The following SUPT7L variants were observed in gnomAD, a reference collection of about 807,000 sequenced individuals.
The protein encoded by SUPT7L is STAGA complex 65 subunit gamma.
Under a neutral mutation model 35.7 loss-of-function variants are expected in SUPT7L, and 15 were observed. The observed-to-expected ratio is 0.42, with a 90% CI of 0.28 to 0.65. SUPT7L has a LOEUF of 0.65. Ranked by LOEUF, SUPT7L falls within the 30% of genes least tolerant of loss-of-function variation. SUPT7L has a pLI of 0.23. For synonymous variants in SUPT7L, 168 were observed against 186.2 expected (o/e 0.90, Z 0.79); for missense variants, 434 against 522.2 (o/e 0.83, Z 1.65).
rs753578885 is a variant in SUPT7L, at chr2:27,657,314, C to G, written c.744+31G>C. 3 of 1,602,316 alleles carry G rather than the reference C, an allele frequency of 1.9e-6. No homozygotes were observed. The highest frequency in any genetic ancestry group is 2.6e-6 in the Non-Finnish European group (3 of 1,173,004). On this transcript the variant is annotated intron_variant, in intron 4 of 5. Coordinates refer to ENST00000337768, the MANE Select transcript of SUPT7L (RefSeq NM_014860.3). This position sits in a 1 kb window ranked among gnomAD's most constrained non-coding sequence, Gnocchi z 5.2. ...GAACACTCCGAGATTGCACAGACAT[C>G]TGTGCCCACTTTTCAACAGGGTCGC...
Position 27,663,595 on chromosome 2 carries a change from G to A in SUPT7L, c.-356C>T, listed in dbSNP as rs932510859. ...AGGATCGCGTCAGACCCCGAAAGCT[G>A]GTTTGTTGATTAGTGATCTAAGACC... On this transcript the variant is annotated 5_prime_UTR_variant, in exon 1 of 6. Transcript: ENST00000337768. 1 of 661,508 alleles carries A rather than the reference G, an allele frequency of 1.5e-6. No homozygotes were observed. Among genetic ancestry groups the A allele is most frequent in the East Asian group, 2.7e-5 (1 of 36,878 alleles). The allele number at this position is 661,508 out of a possible 1,614,324, so 41.0% of individuals were successfully genotyped here.
chr2:27,649,454 T>C (rs1418412026), downstream of SUPT7L, among the ~76,000 whole-genome samples: 1 of 152,158 alleles, frequency 6.6e-6, no homozygotes, highest in African/African-American at 2.4e-5. Context: ...AAATATATAC[T>C]TTCTTGTAAC....
downstream of SUPT7L, chr2:27,650,118 C>G: frequency 6.3e-7 from 1 of 1,581,144 alleles, no homozygotes; most frequent in Non-Finnish European, 8.7e-7. Context: ...CTTGCAGTTA[C>G]AGAGGAAAGC....
intron 2 of SUPT7L, chr2:27,661,815 T>A: frequency 2.6e-6 from 1 of 391,872 alleles, no homozygotes; most frequent in South Asian, 2.9e-5. Context: ...AAGCAAGGCA[T>A]GATAAGGTAT....
chr2:27,644,118 T>C, the SUPT7L span, among the ~76,000 whole-genome samples: 1 of 152,288 alleles, frequency 6.6e-6, no homozygotes, highest in South Asian at 2.1e-4. Context: ...GAAGTTGCAG[T>C]GAGCAAAGAT....
rs1180240083 is a variant in SUPT7L, at chr2:27,650,886, A to AATT, written c.*2596_*2598dup. On this transcript the variant is annotated 3_prime_UTR_variant, in exon 6 of 6. Coordinates refer to ENST00000337768, the MANE Select transcript of SUPT7L (RefSeq NM_014860.3). ...TGCTTGTCATGATTTCAAATTAGAAAATTATATAATTGCAAACAGCTTCAC... is the reference window on the plus strand; with the variant it reads ...TGCTTGTCATGATTTCAAATTAGAAAATTATTATATAATTGCAAACAGCTTCAC... 1 of 152,816 alleles carries AATT rather than the reference A, an allele frequency of 6.5e-6. No homozygotes were observed. Among genetic ancestry groups the AATT allele is most frequent in the African/African-American group, 2.4e-5 (1 of 41,468 alleles). 9.5% of individuals were successfully genotyped at this position (152,816 alleles called of 1,614,324 possible).
intron 2 of SUPT7L, 71 bp downstream of exon 2, chr2:27,662,108 T>C (rs964709190): frequency 1.2e-6 from 2 of 1,611,164 alleles, no homozygotes; most frequent in Non-Finnish European, 1.7e-6. Context: ...TGGCTTCCCA[T>C]TGCCTATTGG....
intron 3 of SUPT7L, among the ~76,000 whole-genome samples, chr2:27,659,730 G>A (rs746360740): frequency 1.3e-5 from 2 of 152,050 alleles, no homozygotes; most frequent in African/African-American, 2.4e-5. Flanking sequence ...GGTGAAATAT[G>A]GTGATGTCTG....
At position 27,653,158 on chromosome 2, in the gene SUPT7L, G is replaced by T; in HGVS notation, c.*327C>A. Reference sequence around the variant, plus strand: ...ATCTCTACAAGGTAGGTCAAAGTATGATTCTTCTCAGTTGTACAAGATAAA... The same window carrying T: ...ATCTCTACAAGGTAGGTCAAAGTATTATTCTTCTCAGTTGTACAAGATAAA... On this transcript the variant is annotated 3_prime_UTR_variant, in exon 6 of 6. Transcript: ENST00000337768. The T allele has an allele frequency of 3.2e-6, 1 of 314,994 alleles. No homozygotes were observed. The highest frequency in any genetic ancestry group is 3.5e-5 in the South Asian group (1 of 28,294). 19.5% of individuals were successfully genotyped at this position (314,994 alleles called of 1,614,324 possible).
In SUPT7L at chr2:27,662,194, G is replaced by T; in HGVS notation, c.-2C>A. 2 of 1,614,056 alleles carry T rather than the reference G, an allele frequency of 1.2e-6. No homozygotes were observed. Reference sequence around the variant, plus strand: ...TTCAACTCACCTTTGCAGATTCATTGTCCATATGTCTCTTCAAGTTCAACA... The same window carrying T: ...TTCAACTCACCTTTGCAGATTCATTTTCCATATGTCTCTTCAAGTTCAACA... On this transcript the variant is annotated 5_prime_UTR_variant, in exon 2 of 6. Coordinates refer to ENST00000337768, the MANE Select transcript of SUPT7L (RefSeq NM_014860.3).
chr2:27,656,362 AC>A (rs893636555), intron 4 of SUPT7L, among the ~76,000 whole-genome samples: 2 of 152,042 alleles, frequency 1.3e-5, no homozygotes, highest in East Asian at 3.9e-4. Flanking sequence ...CAAAATCATC[AC>A]CCCCCACCAA....
At position 27,663,492 on chromosome 2, in the gene SUPT7L, C is replaced by G. The variant is rs1330890046; in HGVS notation, c.-253G>C. On this transcript the variant is annotated 5_prime_UTR_variant, in exon 1 of 6. Transcript: ENST00000337768. Reference sequence around the variant, plus strand: ...GGGGAGGTCTGGACCTGAACCGAGACAAGGAGGTACCACACTATTCACTGC... The same window carrying G: ...GGGGAGGTCTGGACCTGAACCGAGAGAAGGAGGTACCACACTATTCACTGC... 1.1e-5 allele frequency: 5 copies of G among 437,518 alleles called. No individual in the cohort carries two copies. The highest frequency in any genetic ancestry group is 2.1e-5 in the Non-Finnish European group (5 of 236,976). 27.1% of individuals were successfully genotyped at this position (437,518 alleles called of 1,614,324 possible).
At chr2:27,644,047 G>A in the SUPT7L span, among the ~76,000 whole-genome samples, 1 of 152,088 alleles carries the variant, frequency 6.6e-6, no homozygotes, top group African/African-American at 2.4e-5. Flanking sequence ...GGGCGTGGTC[G>A]TGCATGTCTG....
chr2:27,662,979 G>T (rs1463029852), intron 1 of SUPT7L, among the ~76,000 whole-genome samples: 1 of 142,592 alleles, frequency 7.0e-6, no homozygotes, highest in African/African-American at 2.6e-5. Flanking sequence ...GGCGAGACAG[G>T]GTCTCGCCAT....
rs1289389899 is a variant in SUPT7L, at chr2:27,652,335, C to T, written c.*1150G>A. ...CATTCAATAATGAATTAAAGCTGTGCCTTATTTTGGTCTGCATTAAAGGAG... is the reference window on the plus strand; with the variant it reads ...CATTCAATAATGAATTAAAGCTGTGTCTTATTTTGGTCTGCATTAAAGGAG... On this transcript the variant is annotated 3_prime_UTR_variant, in exon 6 of 6. Transcript: ENST00000337768. The T allele has an allele frequency of 2.6e-5, 4 of 152,166 alleles. No individual in the cohort carries two copies. The East Asian group carries it at 7.5e-4, about 29-fold the overall frequency. The allele number at this position is 152,166 out of a possible 1,614,324, so 9.4% of individuals were successfully genotyped here. A position where few individuals can be genotyped will look rare whatever the true frequency, so the allele number is the denominator to read the frequency against.
At position 27,650,933 on chromosome 2, in the gene SUPT7L, T is replaced by TA. The variant is rs1674506757; in HGVS notation, c.*2551dup. ...TCACTTCTCCTGTTCAACAGAGGCT[T>TA]AAGGCCAGATGTCCAAACTTGTCTC... is the stretch of plus-strand genomic sequence containing the variant. On this transcript the variant is annotated 3_prime_UTR_variant, in exon 6 of 6. Transcript: ENST00000337768. The TA allele has an allele frequency of 6.5e-6, 1 of 152,756 alleles. No homozygotes were observed. Among genetic ancestry groups the TA allele is most frequent in the Admixed American group, 6.5e-5 (1 of 15,278 alleles). The allele number at this position is 152,756 out of a possible 1,614,324, so 9.5% of individuals were successfully genotyped here.
chr2:27,657,214 TA>T lies in SUPT7L; in HGVS notation c.744+130del. ...GCCAGGAACATCGCTAGGGCCATCA[TA>T]AAAGTATGTTAAGTTCACTCTGTTC... On this transcript the variant is annotated intron_variant, in intron 4 of 5. Transcript: ENST00000337768. The surrounding 1 kb of genome is among the most constrained non-coding windows in gnomAD (Gnocchi z 5.2). 9.6e-7 allele frequency: 1 copy of T among 1,039,228 alleles called. No homozygotes were observed. Among genetic ancestry groups the T allele is most frequent in the Non-Finnish European group, 1.4e-6 (1 of 730,974 alleles). 64.4% of individuals were successfully genotyped at this position (1,039,228 alleles called of 1,614,324 possible). A position where few individuals can be genotyped will look rare whatever the true frequency, so the allele number is the denominator to read the frequency against.
At position 27,651,862 on chromosome 2, in the gene SUPT7L, A is replaced by G. The variant is rs1674571348; in HGVS notation, c.*1623T>C. ...AGGAAAATGAAGATAAGACTGCAACAGAGGCCAGGTGCAGTGGCTCACGCC... is the reference window on the plus strand; with the variant it reads ...AGGAAAATGAAGATAAGACTGCAACGGAGGCCAGGTGCAGTGGCTCACGCC... On this transcript the variant is annotated 3_prime_UTR_variant, in exon 6 of 6. Coordinates refer to ENST00000337768, the MANE Select transcript of SUPT7L (RefSeq NM_014860.3). The G allele has an allele frequency of 6.6e-6, 1 of 152,230 alleles. No homozygotes were observed. Among genetic ancestry groups the G allele is most frequent in the African/African-American group, 2.4e-5 (1 of 41,456 alleles). The allele number at this position is 152,230 out of a possible 1,614,324, so 9.4% of individuals were successfully genotyped here.
intron 3 of SUPT7L, among the ~76,000 whole-genome samples, chr2:27,658,635 C>G (rs1343760651): frequency 1.3e-5 from 2 of 152,336 alleles, no homozygotes; most frequent in African/African-American, 4.8e-5. Context: ...TCATCACGCA[C>G]TGTACAAAAG....
Sources: allele counts gnomAD v4.1 joint callset (sites outside exome capture counted in the v4.1 genomes callset), GRCh38; gene constraint gnomAD v4.1.1; non-coding constraint Gnocchi (gnomAD v3.1); transcripts MANE v1.5; gene names NCBI Gene and HGNC (gene_info 2026-07-23, HGNC 2026-07-21).